The following CHRM3 variants were observed in gnomAD, a reference collection of about 807,000 sequenced individuals.
The protein encoded by CHRM3 is cholinergic receptor muscarinic 3, also known as muscarinic acetylcholine receptor M3.
Under a neutral mutation model 41.8 loss-of-function variants are expected in CHRM3, and 11 were observed. That is an observed-to-expected ratio of 0.26 (90% CI 0.17 to 0.44). The LOEUF (loss-of-function observed/expected upper bound fraction) is 0.44, where lower values mean the gene tolerates loss of function less well. CHRM3 is among the 20% of genes least tolerant of loss of function. The probability of loss-of-function intolerance (pLI) is 1.00; values close to 1 mark genes in which losing one functional copy is unlikely to be tolerated. For missense variants in CHRM3, 571 were observed against 745.4 expected (o/e 0.77, Z 2.72); for synonymous variants, 297 against 301.4 (o/e 0.99, Z 0.15).
In CHRM3 at chr1:239,562,517, A is replaced by G. The variant is rs566305914; in HGVS notation, c.-313+16768A>G. On this transcript the variant is annotated intron_variant, in intron 3 of 6. Transcript: ENST00000676153. ...TATCATTCAAACTTCCTGAGACTTA[A>G]TGGTAAAGTTTTCATGTATTTCCTG... Among the ~76,000 whole-genome samples the G allele has an allele frequency of 3.3e-5, 5 of 152,238 alleles. No individual in the cohort carries two copies. The South Asian group carries it at 8.3e-4, about 25-fold the overall frequency.
intron 1 of CHRM3, among the ~76,000 whole-genome samples, chr1:239,426,133 T>TTC (rs1662354505): frequency 1.4e-4 from 1 of 7,306 alleles, no homozygotes; most frequent in African/African-American, 6.3e-4. Flanking sequence ...ATGCTATCCC[T>TTC]CCCCCCTCCC....
chr1:239,877,114 G>C (rs538476124), intron 6 of CHRM3, among the ~76,000 whole-genome samples: 10 of 152,244 alleles, frequency 6.6e-5, no homozygotes, highest in Non-Finnish European at 1.2e-4. Context: ...TACACACACA[G>C]AGTCATCCTG....
At chr1:239,803,235 C>T (rs1179648622) in intron 5 of CHRM3, among the ~76,000 whole-genome samples, 1 of 152,122 alleles carries the variant, frequency 6.6e-6, no homozygotes, top group Non-Finnish European at 1.5e-5. Flanking sequence ...CTCCATTGTG[C>T]CAGGCTATTT....
intron 3 of CHRM3, among the ~76,000 whole-genome samples, chr1:239,612,171 G>A (rs537661525): frequency 6.6e-6 from 1 of 152,094 alleles, no homozygotes; most frequent in South Asian, 2.1e-4. Flanking sequence ...ATTTCAAAGG[G>A]GCAATCACAA....
At chr1:239,764,345 G>A (rs892141523) in intron 5 of CHRM3, among the ~76,000 whole-genome samples, 7 of 152,188 alleles carry the variant, frequency 4.6e-5, no homozygotes, top group Admixed American at 1.3e-4. Context: ...TTGGCATGAG[G>A]AAGGGTCTTC....
intron 5 of CHRM3, among the ~76,000 whole-genome samples, chr1:239,724,614 C>T (rs1246688462): frequency 6.6e-6 from 1 of 151,864 alleles, no homozygotes; most frequent in Non-Finnish European, 1.5e-5. Context: ...TCAATAAATG[C>T]TAATGTGAGA....
intron 1 of CHRM3, among the ~76,000 whole-genome samples, chr1:239,419,660 CTA>C (rs1282267529): frequency 6.6e-6 from 1 of 152,166 alleles, no homozygotes; most frequent in Admixed American, 6.5e-5. Flanking sequence ...GTCCATTTGT[CTA>C]TATATTCCAG....
intron 4 of CHRM3, among the ~76,000 whole-genome samples, chr1:239,643,702 C>T (rs992721850): frequency 4.6e-5 from 7 of 152,204 alleles, no homozygotes; most frequent in African/African-American, 1.4e-4. Flanking sequence ...AAGGGAACTC[C>T]CTGACTCCTT....
chr1:239,808,070 G>A (rs765393975), intron 5 of CHRM3, among the ~76,000 whole-genome samples: 8 of 151,892 alleles, frequency 5.3e-5, no homozygotes, highest in Non-Finnish European at 1.0e-4. Flanking sequence ...ATCGGTAATC[G>A]TCTGCCTTTT....
intron 6 of CHRM3, among the ~76,000 whole-genome samples, chr1:239,851,184 G>A (rs1432529762): frequency 6.6e-6 from 1 of 152,136 alleles, no homozygotes; most frequent in Non-Finnish European, 1.5e-5. Flanking sequence ...TGAAGTCAGG[G>A]TAATGTAGCA....
At chr1:239,818,403 A>G (rs1671768880) in intron 5 of CHRM3, among the ~76,000 whole-genome samples, 1 of 152,172 alleles carries the variant, frequency 6.6e-6, no homozygotes, top group African/African-American at 2.4e-5. Context: ...AATATACATC[A>G]TAGGGGCACA....
rs1327295792 is a variant in CHRM3, at chr1:239,874,326, T to TATATAC, written c.-19-33106_-19-33105insTATACA. Reference sequence around the variant, plus strand: ...ATATATATATATATATATATATATATACACAGTTGACCCTCGAACAACACA... The same window carrying TATATAC: ...ATATATATATATATATATATATATATATATACACACAGTTGACCCTCGAACAACACA... On this transcript the variant is annotated intron_variant, in intron 6 of 6. Transcript: ENST00000676153. Among the ~76,000 whole-genome samples, 40 of 121,974 alleles carry TATATAC rather than the reference T, an allele frequency of 3.3e-4. No homozygotes were observed. In the Middle Eastern group the frequency reaches 0.014, roughly 43 times the overall value. The allele number at this position is 121,974 out of a possible 152,430, so 80.0% of individuals were successfully genotyped here. A position where few individuals can be genotyped will look rare whatever the true frequency, so the allele number is the denominator to read the frequency against.
At chr1:239,787,650 T>C (rs1301262438) in intron 5 of CHRM3, among the ~76,000 whole-genome samples, 2 of 152,128 alleles carry the variant, frequency 1.3e-5, no homozygotes, top group Admixed American at 6.5e-5. Flanking sequence ...TGCTGGCCCA[T>C]GCTGAGGGGA....
intron 3 of CHRM3, among the ~76,000 whole-genome samples, chr1:239,568,642 A>T (rs1034287754): frequency 2.0e-5 from 3 of 152,012 alleles, no homozygotes; most frequent in African/African-American, 7.3e-5. Context: ...AGAAAAAATT[A>T]GACATATATC....
In CHRM3 at chr1:239,618,488, A is replaced by G. The variant is rs1442533215; in HGVS notation, c.-312-13736A>G. On this transcript the variant is annotated intron_variant, in intron 3 of 6. Transcript: ENST00000676153. ...ATGTAGTATATGCCCATTTAAAACAAAAACACAACTTGGAAAACAGGAATC... is the reference window on the plus strand; with the variant it reads ...ATGTAGTATATGCCCATTTAAAACAGAAACACAACTTGGAAAACAGGAATC... 2.0e-5 allele frequency among the ~76,000 whole-genome samples: 3 copies of G among 151,648 alleles called. No homozygotes were observed. In the East Asian group the frequency reaches 6.0e-4, roughly 30 times the overall value.
chr1:239,432,152 C>T (rs1395397379), intron 1 of CHRM3, among the ~76,000 whole-genome samples: 1 of 151,890 alleles, frequency 6.6e-6, no homozygotes, highest in Non-Finnish European at 1.5e-5. Flanking sequence ...TGGATGGTGA[C>T]TGTCAAGGGG....
Position 239,688,697 on chromosome 1 carries a change from ATAT to A in CHRM3, c.-147+10413_-147+10415del, listed in dbSNP as rs575175612. ...TATATGTTATGCAATATAATATATA[ATAT>A]TATATATAATACATTATTCAATATA... is the stretch of plus-strand genomic sequence containing the variant. On this transcript the variant is annotated intron_variant, in intron 5 of 6. Coordinates refer to ENST00000676153, the MANE Select transcript of CHRM3 (RefSeq NM_001375978.1). Among the ~76,000 whole-genome samples the A allele has an allele frequency of 3.7e-4, 50 of 133,420 alleles. No homozygotes were observed. In the South Asian group the frequency reaches 5.5e-3, roughly 15 times the overall value. 87.5% of individuals were successfully genotyped at this position (133,420 alleles called of 152,430 possible).
intron 5 of CHRM3, among the ~76,000 whole-genome samples, chr1:239,739,500 G>T (rs1280784531): frequency 6.6e-6 from 1 of 152,156 alleles, no homozygotes; most frequent in Non-Finnish European, 1.5e-5. Flanking sequence ...CTTGTGCGTA[G>T]AATATTTTAG....
intron 5 of CHRM3, among the ~76,000 whole-genome samples, chr1:239,825,406 G>A (rs897149510): frequency 6.6e-6 from 1 of 152,144 alleles, no homozygotes; most frequent in African/African-American, 2.4e-5. Context: ...CCTTGAAAGT[G>A]CCGCTCAACA....
Sources: allele counts gnomAD v4.1 joint callset (sites outside exome capture counted in the v4.1 genomes callset), GRCh38; gene constraint gnomAD v4.1.1; transcripts MANE v1.5; gene names NCBI Gene and HGNC (gene_info 2026-07-23, HGNC 2026-07-21).